Variants in GRIN2B observed in about 807,000 individuals in gnomAD.
GRIN2B encodes glutamate ionotropic receptor NMDA type subunit 2B.
A neutral mutation model predicts 114.5 loss-of-function variants in GRIN2B; 5 were observed. That is an observed-to-expected ratio of 0.04 (90% CI 0.02 to 0.09). GRIN2B has a LOEUF of 0.09. GRIN2B is among the 10% of genes least tolerant of loss of function. The pLI, the probability that GRIN2B is intolerant of heterozygous loss-of-function variation, is 1.00. For synonymous variants in GRIN2B, 787 were observed against 745.1 expected, an observed-to-expected ratio of 1.06 and a Z score of -0.92; for missense variants, 1,108 against 1,943.5, an observed-to-expected ratio of 0.57 and a Z score of 8.08.
At chr12:13,907,463 G>A (rs1866557972) in intron 2 of GRIN2B, among the ~76,000 whole-genome samples, 1 of 149,750 alleles carries the variant, frequency 6.7e-6, no homozygotes. Context: ...CTGCACCTCA[G>A]CCTAGGCAAC....
intron 3 of GRIN2B, among the ~76,000 whole-genome samples, chr12:13,756,356 G>A (rs73053633): frequency 0.096 from 14,591 of 152,232 alleles, 901 homozygotes; most frequent in Non-Finnish European, 0.14. Context: ...TAAGTAGCCT[G>A]AAAGGACTGA....
chr12:13,663,939 A>G (rs1949949824), intron 5 of GRIN2B, among the ~76,000 whole-genome samples: 1 of 152,242 alleles, frequency 6.6e-6, no homozygotes, highest in Admixed American at 6.5e-5. Context: ...TTTTACATGA[A>G]TTATAATTTT....
intron 12 of GRIN2B, among the ~76,000 whole-genome samples, chr12:13,568,509 A>G (rs564793034): frequency 6.6e-6 from 1 of 152,356 alleles, no homozygotes; most frequent in Admixed American, 6.5e-5. Context: ...CACTCCAGCT[A>G]AAACATCCTC....
chr12:13,604,517 A>G (rs1235104746), intron 10 of GRIN2B, among the ~76,000 whole-genome samples: 1 of 152,240 alleles, frequency 6.6e-6, no homozygotes, highest in African/African-American at 2.4e-5. Flanking sequence ...TAATAGTCAA[A>G]ACAAGTTTAG....
rs927496720 is a variant in GRIN2B, at chr12:13,846,315, C to T, written c.411+19483G>A. Among the ~76,000 whole-genome samples the T allele has an allele frequency of 8.7e-4, 133 of 152,202 alleles. 7 individuals carry two copies. Among genetic ancestry groups the T allele is most frequent in the Non-Finnish European group, 8.8e-5 (6 of 68,036 alleles). On this transcript the variant is annotated intron_variant, in intron 3 of 13. Transcript: ENST00000609686. ...AAAGCGAGTAGCAGCATACCATCCG[C>T]TACATTGCCCATAAGACTTAAATTA... is the stretch of plus-strand genomic sequence containing the variant.
intron 5 of GRIN2B, among the ~76,000 whole-genome samples, chr12:13,674,425 G>A (rs984589584): frequency 3.3e-5 from 5 of 152,052 alleles, no homozygotes; most frequent in Admixed American, 2.0e-4. Context: ...TATCTGACAA[G>A]AGAAAATGCA....
At position 13,740,466 on chromosome 12, in the gene GRIN2B, G is replaced by A. The variant is rs565680230; in HGVS notation, c.1010+12851C>T. Among the ~76,000 whole-genome samples the A allele has an allele frequency of 8.0e-5, 12 of 150,670 alleles. No homozygotes were observed. The East Asian group carries it at 1.4e-3, about 17-fold the overall frequency. The stretch of plus-strand genomic sequence containing the variant: ...CAGAAAAGTGGGCCCCACATGTCCC[G>A]TTTCTTTCATTTCTAATAGCATTTT... On this transcript the variant is annotated intron_variant, in intron 4 of 13. Coordinates refer to ENST00000609686, the MANE Select transcript of GRIN2B (RefSeq NM_000834.5).
chr12:13,690,209 G>T (rs996966281), intron 4 of GRIN2B, among the ~76,000 whole-genome samples: 1 of 151,574 alleles, frequency 6.6e-6, no homozygotes, highest in South Asian at 2.1e-4. Context: ...TTTTTCACTT[G>T]CAGAAGACTA....
intron 3 of GRIN2B, among the ~76,000 whole-genome samples, chr12:13,773,145 T>C (rs1024262144): frequency 2.6e-5 from 4 of 152,138 alleles, no homozygotes; most frequent in Admixed American, 2.0e-4. Flanking sequence ...CTCACAGACA[T>C]GTACTTGGCA....
Position 13,546,692 on chromosome 12 carries a change from G to T in GRIN2B, c.*16091C>A, listed in dbSNP as rs540738793. ...AAAATAACATGCAACAACTCACTGG[G>T]CGAGAAATTTAGAAACACTTGCCTC... On this transcript the variant is annotated 3_prime_UTR_variant, in exon 14 of 14. Coordinates refer to ENST00000609686, the MANE Select transcript of GRIN2B (RefSeq NM_000834.5). 1 of 152,118 alleles carries T rather than the reference G, an allele frequency of 6.6e-6. No homozygotes were observed. Among genetic ancestry groups the T allele is most frequent in the Non-Finnish European group, 1.5e-5 (1 of 68,040 alleles). The allele number at this position is 152,118 out of a possible 1,614,324, so 9.4% of individuals were successfully genotyped here.
intron 3 of GRIN2B, among the ~76,000 whole-genome samples, chr12:13,834,378 A>C (rs1250737236): frequency 6.6e-6 from 1 of 151,938 alleles, no homozygotes; most frequent in Non-Finnish European, 1.5e-5. Context: ...TGTCCACAGG[A>C]AGTTCCACCA....
chr12:13,739,602 C>T (rs1351430942), intron 4 of GRIN2B, among the ~76,000 whole-genome samples: 2 of 152,034 alleles, frequency 1.3e-5, no homozygotes, highest in Non-Finnish European at 2.9e-5. Context: ...CACTTCTGAG[C>T]ACTCAGTAGG....
intron 2 of GRIN2B, among the ~76,000 whole-genome samples, chr12:13,873,587 T>G (rs1174791297): frequency 6.6e-6 from 1 of 152,246 alleles, no homozygotes; most frequent in African/African-American, 2.4e-5. Context: ...CATCCGTTAC[T>G]CTTTTCAAGC....
intron 10 of GRIN2B, among the ~76,000 whole-genome samples, chr12:13,601,799 G>T (rs1450454586): frequency 6.6e-6 from 1 of 152,134 alleles, no homozygotes; most frequent in African/African-American, 2.4e-5. Context: ...CGGGTCATCT[G>T]CCCCTCAGGA....
rs2136746973 is a variant in GRIN2B, at chr12:13,865,872, C to T, written c.337G>A (p.Asp113Asn). Residue 113 changes from aspartate to asparagine, a missense_variant, in exon 3 of 14, where the codon GAT (aspartate) becomes AAT (asparagine). Transcript: ENST00000609686. ...GTGAGAGTCTGTGCTGAAATGAAAT[C>T]GAGGATCTGGGCGATGGCTTCCTGG... ...TDQEAIAQILDFISAQTLTPI... is the reference protein window; with the variant it reads ...TDQEAIAQILNFISAQTLTPI... 6.2e-7 allele frequency: 1 copy of T among 1,613,974 alleles called. No homozygotes were observed. Among genetic ancestry groups the T allele is most frequent in the Non-Finnish European group, 8.5e-7 (1 of 1,179,954 alleles).
Position 13,564,423 on chromosome 12 carries a change from G to A in GRIN2B, c.2815C>T (p.Arg939Cys). The change falls in exon 14 of 14, where the codon CGC becomes TGC. Residue 939 changes from arginine to cysteine, a missense_variant. Transcript: ENST00000609686. The surrounding 1 kb of genome is among the most constrained non-coding windows in gnomAD (Gnocchi z 4.8). The stretch of plus-strand genomic sequence containing the variant: ...TTGCAGTCAGAATGCGTGAAGCTGC[G>A]GCGGTGCTCTGAGATGTCATAGACG... Reference protein sequence around the residue: ...SSVYDISEHRRSFTHSDCKSY... With the variant: ...SSVYDISEHRCSFTHSDCKSY... 1 of 1,614,248 alleles carries A rather than the reference G, an allele frequency of 6.2e-7. No individual in the cohort carries two copies. Among genetic ancestry groups the A allele is most frequent in the Non-Finnish European group, 8.5e-7 (1 of 1,180,048 alleles).
At chr12:13,927,101 A>G (rs1866932127) in intron 2 of GRIN2B, among the ~76,000 whole-genome samples, 1 of 152,244 alleles carries the variant, frequency 6.6e-6, no homozygotes, top group Non-Finnish European at 1.5e-5. Context: ...CTGTAAGAGC[A>G]GAGACCACCC....
intron 2 of GRIN2B, among the ~76,000 whole-genome samples, chr12:13,873,153 A>G (rs1385177687): frequency 6.6e-6 from 1 of 152,232 alleles, no homozygotes; most frequent in African/African-American, 2.4e-5. Context: ...TACATTTTTA[A>G]GAATTGTAAG....
intron 4 of GRIN2B, among the ~76,000 whole-genome samples, chr12:13,701,507 G>A (rs1003465516): frequency 2.1e-5 from 2 of 95,822 alleles, no homozygotes; most frequent in Non-Finnish European, 4.1e-5. Context: ...TAGGGATTCA[G>A]TGGCACAAAA....
Sources: gnomAD v4.1 joint callset for allele counts (sites outside exome capture counted in the v4.1 genomes callset) on GRCh38, gnomAD v4.1.1 for gene constraint, Gnocchi (gnomAD v3.1) non-coding constraint, MANE v1.5 for transcripts, NCBI Gene and HGNC (gene_info 2026-07-23, HGNC 2026-07-21) for gene names.